KANSL1: variants seen among roughly 807,000 people sequenced by gnomAD.
The protein encoded by KANSL1 is MLL1/MLL complex subunit KANSL1.
A neutral mutation model predicts 103.6 loss-of-function variants in KANSL1; 22 were observed. The ratio of observed to expected loss-of-function variants is 0.21; its 90% confidence interval spans 0.15 to 0.30. The LOEUF is 0.30. Among genes scored for constraint, KANSL1 ranks in the 10% least tolerant of loss-of-function variants. The pLI, the probability that KANSL1 is intolerant of heterozygous loss-of-function variation, is 1.00. For synonymous variants in KANSL1, 600 were observed against 527.6 expected (o/e 1.14, Z -1.88); for missense variants, 1,337 against 1,399.8 (o/e 0.96, Z 0.72).
chr17:46,213,569 A>G (rs904498385), intron 1 of KANSL1, among the ~76,000 whole-genome samples: 7 of 149,530 alleles, frequency 4.7e-5, no homozygotes. Flanking sequence ...CGGCCTCCCA[A>G]AGTGCTGGGA....
chr17:46,054,340 C>T (rs2077840754), intron 6 of KANSL1, among the ~76,000 whole-genome samples: 1 of 152,314 alleles, frequency 6.6e-6, no homozygotes, highest in East Asian at 1.9e-4. Flanking sequence ...AGGCGTGAGC[C>T]ATCGCGACCG....
chr17:46,168,254 G>A (rs1344957809), intron 2 of KANSL1, among the ~76,000 whole-genome samples: 3 of 152,180 alleles, frequency 2.0e-5, no homozygotes, highest in Non-Finnish European at 2.9e-5. Flanking sequence ...CAAACACTTG[G>A]CTAAATAAAT....
At chr17:46,197,859 C>A (rs1317925230), upstream of KANSL1, among the ~76,000 whole-genome samples, 1 of 152,226 alleles carries the variant, frequency 6.6e-6, no homozygotes, top group East Asian at 1.9e-4. Flanking sequence ...ACCTTCCCTG[C>A]CACAGACCTT....
intron 2 of KANSL1, among the ~76,000 whole-genome samples, chr17:46,133,305 A>G (rs2043959642): frequency 6.6e-6 from 1 of 152,248 alleles, no homozygotes; most frequent in Non-Finnish European, 1.5e-5. Context: ...ACCCAAGGGC[A>G]TCGTTCTTTT....
At chr17:46,140,586 C>A (rs1010122916) in intron 2 of KANSL1, among the ~76,000 whole-genome samples, 5 of 151,334 alleles carry the variant, frequency 3.3e-5, no homozygotes, top group African/African-American at 9.7e-5. Context: ...AAATAATAAT[C>A]AAGAAAATGA....
At chr17:46,055,416 G>A (rs1356529081) in intron 6 of KANSL1, among the ~76,000 whole-genome samples, 3 of 150,434 alleles carry the variant, frequency 2.0e-5, no homozygotes, top group Non-Finnish European at 1.5e-5. Flanking sequence ...AGTGAGCTGA[G>A]ATCGCACCAC....
At chr17:46,043,429 A>G (rs1022787356) in intron 7 of KANSL1, 1 of 152,172 alleles carries the variant, frequency 6.6e-6, no homozygotes, top group Admixed American at 6.5e-5. Context: ...AGCAAGAACA[A>G]ATCATTCAGC....
At chr17:46,067,796 T>C (rs1271407502) in intron 4 of KANSL1, 129 bp from the exon 5 acceptor site, 1 of 610,438 alleles carries the variant, frequency 1.6e-6, no homozygotes, top group South Asian at 2.0e-5. Context: ...ACAACTTGAA[T>C]GACTGAAGAA....
intron 1 of KANSL1, among the ~76,000 whole-genome samples, chr17:46,172,645 C>T (rs1453962751): frequency 6.6e-6 from 1 of 152,166 alleles, no homozygotes; most frequent in Non-Finnish European, 1.5e-5. Flanking sequence ...AAGGAATTCC[C>T]GTGTTCACTA....
chr17:46,217,469 C>CT (rs1472237946), intron 1 of KANSL1, among the ~76,000 whole-genome samples: 5 of 143,360 alleles, frequency 3.5e-5, no homozygotes, highest in African/African-American at 1.3e-4. Flanking sequence ...AAGAGAGACT[C>CT]TAAAAAAAAA....
At chr17:46,194,112 C>A (rs1003165208), upstream of KANSL1, among the ~76,000 whole-genome samples, 3 of 152,208 alleles carry the variant, frequency 2.0e-5, no homozygotes, top group Admixed American at 1.3e-4. Context: ...CCGCGCCGGG[C>A]CAGCCCGGGA....
At chr17:46,134,328 TG>T (rs2044013761) in intron 2 of KANSL1, among the ~76,000 whole-genome samples, 1 of 151,606 alleles carries the variant, frequency 6.6e-6, no homozygotes, top group Non-Finnish European at 1.5e-5. Flanking sequence ...ACCCTGGAGG[TG>T]GAAGTTGCAG....
intron 3 of KANSL1, among the ~76,000 whole-genome samples, chr17:46,084,986 C>G (rs1191931895): frequency 6.6e-6 from 1 of 152,168 alleles, no homozygotes; most frequent in Admixed American, 6.5e-5. Context: ...AGGGCCCAAA[C>G]TGTCTTCCTG....
At chr17:46,209,983 G>A (rs1209173813) in intron 1 of KANSL1, among the ~76,000 whole-genome samples, 10 of 152,116 alleles carry the variant, frequency 6.6e-5, no homozygotes, top group African/African-American at 2.4e-4. Flanking sequence ...GAACCAAAAC[G>A]AACAAAAAAA....
intron 4 of KANSL1, among the ~76,000 whole-genome samples, chr17:46,074,144 T>C (rs1343702508): frequency 6.6e-6 from 1 of 152,056 alleles, no homozygotes; most frequent in African/African-American, 2.4e-5. Context: ...TGAGCTGAAG[T>C]AGGCAAAATA....
intron 2 of KANSL1, among the ~76,000 whole-genome samples, chr17:46,143,187 G>C (rs2044511827): frequency 1.3e-5 from 2 of 152,240 alleles, no homozygotes; most frequent in South Asian, 4.1e-4. Flanking sequence ...AAAAGCAGAA[G>C]TCAGGTGAGA....
chr17:46,105,865 T>TGACA (rs1567680193), intron 2 of KANSL1, among the ~76,000 whole-genome samples: 1 of 134,594 alleles, frequency 7.4e-6, no homozygotes, highest in Non-Finnish European at 1.6e-5. Context: ...AGCAAGACCT[T>TGACA]CACACACACA....
intron 1 of KANSL1, among the ~76,000 whole-genome samples, chr17:46,216,031 C>A (rs965397740): frequency 3.9e-5 from 6 of 152,118 alleles, no homozygotes; most frequent in Non-Finnish European, 4.4e-5. Context: ...TAGAGCGAGA[C>A]TCCGTCTCAA....
At chr17:46,053,425 G>A (rs539235060) in intron 6 of KANSL1, among the ~76,000 whole-genome samples, 1 of 151,522 alleles carries the variant, frequency 6.6e-6, no homozygotes, top group Non-Finnish European at 1.5e-5. Context: ...AATAGAACCC[G>A]AGGAGTATAT....
Sources: allele counts gnomAD v4.1 joint callset (sites outside exome capture counted in the v4.1 genomes callset), GRCh38; gene constraint gnomAD v4.1.1; transcripts MANE v1.5; gene names NCBI Gene and HGNC (gene_info 2026-07-23, HGNC 2026-07-21).